ANK2: variants seen among roughly 807,000 people sequenced by gnomAD.
The protein encoded by ANK2 is ankyrin 2, also known as ankyrin-2.
A neutral mutation model predicts 360.5 loss-of-function variants in ANK2; 83 were observed. The ratio of observed to expected loss-of-function variants is 0.23; its 90% confidence interval spans 0.19 to 0.28. The LOEUF is 0.28. ANK2 is among the 10% of genes least tolerant of loss of function. The pLI, the probability that ANK2 is intolerant of heterozygous loss-of-function variation, is 1.00. For synonymous variants in ANK2, 1,740 were observed against 1,759.5 expected (o/e 0.99, Z 0.28); for missense variants, 4,201 against 4,795.7 (o/e 0.88, Z 3.66).
chr4:113,233,383 C>A (rs1056312989), intron 5 of ANK2, among the ~76,000 whole-genome samples: 2 of 151,696 alleles, frequency 1.3e-5, no homozygotes, highest in Non-Finnish European at 2.9e-5. Flanking sequence ...GATCCGCCCG[C>A]CTCGGCCTCC....
chr4:112,872,554 C>A (rs1246934471), intron 1 of ANK2, among the ~76,000 whole-genome samples: 1 of 152,190 alleles, frequency 6.6e-6, no homozygotes, highest in Non-Finnish European at 1.5e-5. Flanking sequence ...TCAGGCTGGT[C>A]TCGAACCCCC....
intron 2 of ANK2, among the ~76,000 whole-genome samples, chr4:112,934,795 A>C (rs2093594362): frequency 6.6e-6 from 1 of 152,220 alleles, no homozygotes; most frequent in Admixed American, 6.5e-5. Context: ...TGCTATGTAT[A>C]TGTGATGTAT....
At chr4:113,352,241 A>C (rs1588868470) in intron 37 of ANK2, among the ~76,000 whole-genome samples, 1 of 152,194 alleles carries the variant, frequency 6.6e-6, no homozygotes, top group African/African-American at 2.4e-5. Context: ...GCCATGCATC[A>C]CATTTTAACT....
At chr4:112,833,508 A>T (rs1183475920) in intron 1 of ANK2, among the ~76,000 whole-genome samples, 22 of 146,932 alleles carry the variant, frequency 1.5e-4, no homozygotes, top group Admixed American at 3.4e-4. Context: ...TGATTTATGT[A>T]TTTTTTTTTT....
chr4:113,134,025 A>C (rs1169328116), intron 1 of ANK2, among the ~76,000 whole-genome samples: 1 of 152,168 alleles, frequency 6.6e-6, no homozygotes, highest in Non-Finnish European at 1.5e-5. Flanking sequence ...CAAGGTCCCT[A>C]ATAATAAGAT....
At chr4:112,811,375 A>G in the ANK2 span, among the ~76,000 whole-genome samples, 1 of 152,156 alleles carries the variant, frequency 6.6e-6, no homozygotes, top group Non-Finnish European at 1.5e-5. Flanking sequence ...GTTGTTACTG[A>G]TGTCAGGTAA....
At chr4:113,114,981 A>T (rs56198171) in intron 1 of ANK2, among the ~76,000 whole-genome samples, 2,274 of 152,292 alleles carry the variant, frequency 0.015, 25 homozygotes, top group Non-Finnish European at 0.024. Flanking sequence ...GCTTGTTGCG[A>T]ACATTTTTTT....
At chr4:112,822,238 TAA>T (rs1211981767) in intron 1 of ANK2, among the ~76,000 whole-genome samples, 4 of 88,536 alleles carry the variant, frequency 4.5e-5, no homozygotes, top group East Asian at 2.8e-4. Context: ...CTGTCTCTAC[TAA>T]AAAAAAAAAA....
At chr4:113,148,924 G>A (rs959313802) in intron 1 of ANK2, among the ~76,000 whole-genome samples, 8 of 152,334 alleles carry the variant, frequency 5.3e-5, no homozygotes, top group Non-Finnish European at 1.0e-4. Flanking sequence ...GAACATAATT[G>A]AGTCTTGGAA....
intron 1 of ANK2, among the ~76,000 whole-genome samples, chr4:112,836,901 T>G (rs892991408): frequency 2.6e-5 from 4 of 152,158 alleles, no homozygotes; most frequent in Admixed American, 6.5e-5. Context: ...TTTGGAAAAT[T>G]TGTTGCCTGA....
intron 1 of ANK2, among the ~76,000 whole-genome samples, chr4:112,820,073 A>ACC (rs1317955737): frequency 1.3e-5 from 2 of 152,220 alleles, no homozygotes; most frequent in Non-Finnish European, 2.9e-5. Context: ...GGGTGAAGAT[A>ACC]CCCATTTATG....
intron 1 of ANK2, among the ~76,000 whole-genome samples, chr4:113,167,106 C>T (rs2097776847): frequency 6.6e-6 from 1 of 151,984 alleles, no homozygotes; most frequent in South Asian, 2.1e-4. Flanking sequence ...ATATAGTCTG[C>T]ATTTAAAAAT....
At chr4:113,315,992 G>T (rs2153832861) in intron 24 of ANK2, among the ~76,000 whole-genome samples, 1 of 150,980 alleles carries the variant, frequency 6.6e-6, no homozygotes. Context: ...GTGATTTACA[G>T]CAGGAAAACA....
chr4:112,821,799 G>A (rs2057132223), intron 1 of ANK2, among the ~76,000 whole-genome samples: 1 of 145,768 alleles, frequency 6.9e-6, no homozygotes, highest in African/African-American at 2.5e-5. Flanking sequence ...GAAAGGGTCT[G>A]TCTGTCACCC....
chr4:112,926,252 A>G (rs898971014), intron 2 of ANK2, among the ~76,000 whole-genome samples: 1 of 152,200 alleles, frequency 6.6e-6, no homozygotes. Flanking sequence ...TGAGGATACA[A>G]AGAAGTAAGT....
chr4:113,196,518 T>C (rs1276890353), intron 3 of ANK2, 52 bp downstream of exon 3: 1 of 1,432,246 alleles, frequency 7.0e-7, no homozygotes. Flanking sequence ...CGAAAATAAT[T>C]TAAAGCTTTT....
At chr4:112,990,779 G>A (rs534942220) in intron 2 of ANK2, among the ~76,000 whole-genome samples, 1 of 152,254 alleles carries the variant, frequency 6.6e-6, no homozygotes, top group East Asian at 1.9e-4. Context: ...CCATGTGCAT[G>A]GTTGGTGTGA....
the ANK2 span, among the ~76,000 whole-genome samples, chr4:112,729,750 A>C: frequency 6.6e-6 from 1 of 150,698 alleles, no homozygotes; most frequent in Non-Finnish European, 1.5e-5. Context: ...TCTGTCTCAA[A>C]AAAAAAAAAA....
intron 1 of ANK2, among the ~76,000 whole-genome samples, chr4:113,151,928 G>A (rs2097104167): frequency 6.7e-6 from 1 of 149,626 alleles, no homozygotes; most frequent in African/African-American, 2.5e-5. Context: ...ATTACTAGGT[G>A]TGCTGGCACA....
Sources: gnomAD v4.1 joint callset for allele counts (sites outside exome capture counted in the v4.1 genomes callset) on GRCh38, gnomAD v4.1.1 for gene constraint, MANE v1.5 for transcripts, NCBI Gene and HGNC (gene_info 2026-07-23, HGNC 2026-07-21) for gene names.